FGF10: variants seen among roughly 807,000 people sequenced by gnomAD.
FGF10 encodes FGF-10.
FGF10 carries 2 observed loss-of-function variants against 19.8 expected under a neutral mutation model. The observed-to-expected ratio is 0.10, with a 90% CI of 0.04 to 0.32. The LOEUF is 0.32. FGF10 is among the 10% of genes least tolerant of loss of function. FGF10 has a pLI of 1.00. For synonymous variants in FGF10, 112 were observed against 94.0 expected (o/e 1.19, Z -1.10); for missense variants, 191 against 246.3 (o/e 0.78, Z 1.50).
chr5:44,341,424 T>G (rs1203695392), intron 1 of FGF10, among the ~76,000 whole-genome samples: 1 of 151,886 alleles, frequency 6.6e-6, no homozygotes, highest in Non-Finnish European at 1.5e-5. Flanking sequence ...TATGATATGG[T>G]TTATTATTTT....
At chr5:44,305,511 A>G (rs1261785840) in intron 2 of FGF10, among the ~76,000 whole-genome samples, 1 of 152,192 alleles carries the variant, frequency 6.6e-6, no homozygotes, top group African/African-American at 2.4e-5. Context: ...CATCTCACTA[A>G]CAATATTTGT....
At position 44,304,416 on chromosome 5, in the gene FGF10, T is replaced by C. The variant is rs1740027080; in HGVS notation, c.*579A>G. The C allele has an allele frequency of 6.5e-6, 1 of 154,096 alleles. No individual in the cohort carries two copies. Among genetic ancestry groups the C allele is most frequent in the Non-Finnish European group, 1.4e-5 (1 of 69,296 alleles). The allele number at this position is 154,096 out of a possible 1,614,324, so 9.5% of individuals were successfully genotyped here. A position where few individuals can be genotyped will look rare whatever the true frequency, so the allele number is the denominator to read the frequency against. ...GAAGGCAGAATGCACAAGCATACCATACTATTTGTATTGTTAGAACAGTTT... is the reference window on the plus strand; with the variant it reads ...GAAGGCAGAATGCACAAGCATACCACACTATTTGTATTGTTAGAACAGTTT... On this transcript the variant is annotated 3_prime_UTR_variant, in exon 3 of 3. Coordinates refer to ENST00000264664, the MANE Select transcript of FGF10 (RefSeq NM_004465.2).
At chr5:44,356,486 A>G (rs753624317) in intron 1 of FGF10, among the ~76,000 whole-genome samples, 9 of 151,466 alleles carry the variant, frequency 5.9e-5, no homozygotes, top group African/African-American at 7.3e-5. Flanking sequence ...TTGGATAATG[A>G]CAATTTCATC....
At position 44,304,852 on chromosome 5, in the gene FGF10, A is replaced by G. The variant is rs932952173; in HGVS notation, c.*143T>C. The G allele has an allele frequency of 2.3e-5, 18 of 778,368 alleles. No homozygotes were observed. In the African/African-American group the frequency reaches 3.1e-4, roughly 13 times the overall value. The allele number at this position is 778,368 out of a possible 1,614,324, so 48.2% of individuals were successfully genotyped here. ...TCATATGTCAGCAGTGAATACAAAA[A>G]CCTTCAAAGGCTGGCTTTCTTTTAA... On this transcript the variant is annotated 3_prime_UTR_variant, in exon 3 of 3. Coordinates refer to ENST00000264664, the MANE Select transcript of FGF10 (RefSeq NM_004465.2).
intron 1 of FGF10, among the ~76,000 whole-genome samples, chr5:44,357,763 C>T (rs1454032307): frequency 6.6e-6 from 1 of 151,486 alleles, no homozygotes; most frequent in Non-Finnish European, 1.5e-5. Flanking sequence ...TGCTTTTCAA[C>T]ATCTTGGTGA....
chr5:44,372,751 T>C lies in FGF10; in HGVS notation c.325+15607A>G, dbSNP rs144103907. ...GGTAGAACAAGCGTAGTATAACAGT[T>C]ATAAACATTCTTATTCCAAAAGGAG... On this transcript the variant is annotated intron_variant, in intron 1 of 2. Transcript: ENST00000264664. Among the ~76,000 whole-genome samples, 655 of 152,294 alleles carry C rather than the reference T, an allele frequency of 4.3e-3. 2 individuals are homozygous for C. Among genetic ancestry groups the C allele is most frequent in the Non-Finnish European group, 5.8e-3 (394 of 68,026 alleles).
intron 1 of FGF10, among the ~76,000 whole-genome samples, chr5:44,333,226 TACAGAAGTAAGC>T (rs1176068574): frequency 6.6e-6 from 1 of 152,168 alleles, no homozygotes; most frequent in Non-Finnish European, 1.5e-5. Flanking sequence ...TGTATTTTAT[TACAGAAGTAAGC>T]TGTGTTGGTG....
At chr5:44,312,957 G>A (rs1018286378) in intron 1 of FGF10, among the ~76,000 whole-genome samples, 2 of 152,008 alleles carry the variant, frequency 1.3e-5, no homozygotes, top group Admixed American at 1.3e-4. Flanking sequence ...TGGTATTGTA[G>A]ATTATATTTA....
intron 1 of FGF10, among the ~76,000 whole-genome samples, chr5:44,347,637 T>C (rs1741117520): frequency 6.6e-6 from 1 of 151,708 alleles, no homozygotes; most frequent in African/African-American, 2.4e-5. Flanking sequence ...TGCCCAAATA[T>C]TGATTGCCAC....
chr5:44,302,961 A>G lies in FGF10; in HGVS notation c.*2034T>C, dbSNP rs947754613. 1.3e-5 allele frequency among the ~76,000 whole-genome samples: 2 copies of G among 152,168 alleles called. No individual in the cohort carries two copies. Among genetic ancestry groups the G allele is most frequent in the Admixed American group, 1.3e-4 (2 of 15,264 alleles). ...TGTCAGGTGCAATTATTATTTTAAAATAAAGGAAAAAAAGATACCTAGTTT... is the reference window on the plus strand; with the variant it reads ...TGTCAGGTGCAATTATTATTTTAAAGTAAAGGAAAAAAAGATACCTAGTTT... On this transcript the variant is annotated 3_prime_UTR_variant, in exon 3 of 3. Transcript: ENST00000264664.
chr5:44,352,841 C>T (rs998625164), intron 1 of FGF10, among the ~76,000 whole-genome samples: 4 of 151,570 alleles, frequency 2.6e-5, no homozygotes, highest in South Asian at 2.1e-4. Flanking sequence ...GAGATTTGAA[C>T]GAGTTAATTA....
chr5:44,349,218 T>C (rs1192858390), intron 1 of FGF10, among the ~76,000 whole-genome samples: 1 of 150,618 alleles, frequency 6.6e-6, no homozygotes, highest in African/African-American at 2.4e-5. Flanking sequence ...ATCTTTTGCC[T>C]CATTCTGTTT....
chr5:44,332,603 A>G (rs996931110), intron 1 of FGF10, among the ~76,000 whole-genome samples: 1 of 152,150 alleles, frequency 6.6e-6, no homozygotes, highest in Non-Finnish European at 1.5e-5. Flanking sequence ...AGAGTAGTTA[A>G]CAAGTTTGGT....
intron 1 of FGF10, among the ~76,000 whole-genome samples, chr5:44,327,707 CTT>C (rs1326647624): frequency 6.6e-6 from 1 of 152,188 alleles, no homozygotes; most frequent in Non-Finnish European, 1.5e-5. Flanking sequence ...TCTCATCCCT[CTT>C]TGCCTTCTCA....
At chr5:44,352,087 C>T (rs960783520) in intron 1 of FGF10, among the ~76,000 whole-genome samples, 1 of 151,560 alleles carries the variant, frequency 6.6e-6, no homozygotes, top group Non-Finnish European at 1.5e-5. Context: ...TAATTAGAAG[C>T]ATAGTCCATG....
intron 1 of FGF10, among the ~76,000 whole-genome samples, chr5:44,314,424 A>T (rs1269470643): frequency 2.0e-5 from 3 of 152,162 alleles, no homozygotes; most frequent in Non-Finnish European, 4.4e-5. Context: ...CTTATTTTAG[A>T]TTATATTTAA....
chr5:44,380,673 C>CT (rs1741964989), intron 1 of FGF10, among the ~76,000 whole-genome samples: 1 of 152,066 alleles, frequency 6.6e-6, no homozygotes, highest in African/African-American at 2.4e-5. Context: ...TAAATGAAAA[C>CT]TAAAGTAGAA....
At chr5:44,310,334 G>T in intron 2 of FGF10, 93 bp downstream of exon 2, 1 of 820,460 alleles carries the variant, frequency 1.2e-6, no homozygotes. Flanking sequence ...GCAATAGAAG[G>T]ATAACAAAGC....
intron 1 of FGF10, among the ~76,000 whole-genome samples, chr5:44,348,019 C>T (rs1030568126): frequency 1.3e-5 from 2 of 151,510 alleles, no homozygotes. Flanking sequence ...CTAAGACTGC[C>T]ACGATTTGCT....
Sources: allele counts gnomAD v4.1 joint callset (sites outside exome capture counted in the v4.1 genomes callset), GRCh38; gene constraint gnomAD v4.1.1; transcripts MANE v1.5; gene names NCBI Gene and HGNC (gene_info 2026-07-23, HGNC 2026-07-21).